SH3GL2: variants seen among roughly 807,000 people sequenced by gnomAD.
The protein encoded by SH3GL2 is SH3 domain containing GRB2 like 2, endophilin A1, also known as endophilin-A1.
SH3GL2 carries 24 observed loss-of-function variants against 46.0 expected under a neutral mutation model. The ratio of observed to expected loss-of-function variants is 0.52; its 90% CI spans 0.38 to 0.73. The LOEUF (loss-of-function observed/expected upper bound fraction) is 0.73. SH3GL2 is among the 30% of genes least tolerant of loss of function. SH3GL2 has a pLI of 0.00. For missense variants in SH3GL2, 413 were observed against 424.2 expected (o/e 0.97, Z 0.23); for synonymous variants, 196 against 147.1 (o/e 1.33, Z -2.40).
chr9:17,654,169 T>G, intron 1 of SH3GL2, among the ~76,000 whole-genome samples: 1 of 152,118 alleles, frequency 6.6e-6, no homozygotes, highest in East Asian at 1.9e-4. Context: ...AAAACCAGAT[T>G]GGAAAAACTG....
intron 1 of SH3GL2, among the ~76,000 whole-genome samples, chr9:17,690,007 C>T (rs996538650): frequency 6.6e-6 from 1 of 152,058 alleles, no homozygotes; most frequent in African/African-American, 2.4e-5. Flanking sequence ...AAAGAATTCT[C>T]AAATTGTGCC....
At position 17,682,301 on chromosome 9, in the gene SH3GL2, A is replaced by G. The variant is rs575278458; in HGVS notation, c.46-64765A>G. 3.3e-5 allele frequency among the ~76,000 whole-genome samples: 5 copies of G among 152,280 alleles called. No individual in the cohort carries two copies. The South Asian group carries it at 1.0e-3, about 32-fold the overall frequency. ...ATTATTTTCAATAGCAAAGTCATGG[A>G]ACCAACCCAAATGCCCATCAGTGGT... is the stretch of plus-strand genomic sequence containing the variant. On this transcript the variant is annotated intron_variant, in intron 1 of 8. Transcript: ENST00000380607.
At chr9:17,635,833 C>T (rs1337431581) in intron 1 of SH3GL2, among the ~76,000 whole-genome samples, 1 of 152,148 alleles carries the variant, frequency 6.6e-6, no homozygotes, top group Non-Finnish European at 1.5e-5. Flanking sequence ...TTGCTTCCAA[C>T]TCAAGTTGAG....
chr9:17,614,156 G>A (rs988238983), intron 1 of SH3GL2, among the ~76,000 whole-genome samples: 1 of 151,932 alleles, frequency 6.6e-6, no homozygotes, highest in Non-Finnish European at 1.5e-5. Context: ...TCTTTAACCT[G>A]ATTACTGTTT....
chr9:17,665,628 C>CT, intron 1 of SH3GL2, among the ~76,000 whole-genome samples: 1 of 151,898 alleles, frequency 6.6e-6, no homozygotes, highest in East Asian at 1.9e-4. Flanking sequence ...GTAAGAGCCC[C>CT]GTCAGCTTAA....
intron 1 of SH3GL2, among the ~76,000 whole-genome samples, chr9:17,583,576 C>T (rs1406514855): frequency 6.6e-6 from 1 of 152,152 alleles, no homozygotes; most frequent in African/African-American, 2.4e-5. Context: ...TTATAAATTA[C>T]CCCGTCTAAG....
rs1820794917 is a variant in SH3GL2, at chr9:17,682,381, G to A, written c.46-64685G>A. ...ACACCATGGAATACTATGCAGCTAT[G>A]TGAAGGAATGAGATCAGATCCTTTG... On this transcript the variant is annotated intron_variant, in intron 1 of 8. Transcript: ENST00000380607. 2.0e-5 allele frequency among the ~76,000 whole-genome samples: 3 copies of A among 152,276 alleles called. No homozygotes were observed. In the East Asian group the frequency reaches 5.8e-4, roughly 29 times the overall value.
At chr9:17,717,598 T>C (rs1201149896) in intron 1 of SH3GL2, among the ~76,000 whole-genome samples, 1 of 152,122 alleles carries the variant, frequency 6.6e-6, no homozygotes. Flanking sequence ...ATGCTCAGGA[T>C]GCAGAAGAGA....
intron 1 of SH3GL2, among the ~76,000 whole-genome samples, chr9:17,614,544 G>A (rs937943340): frequency 6.6e-6 from 1 of 152,054 alleles, no homozygotes; most frequent in Admixed American, 6.5e-5. Flanking sequence ...GGCAAACTCA[G>A]GGGGAAAAGG....
intron 1 of SH3GL2, among the ~76,000 whole-genome samples, chr9:17,618,050 G>T (rs3780247): frequency 0.4 from 60,031 of 151,912 alleles, 12,213 homozygotes; most frequent in East Asian, 0.63. Context: ...AGTTGCAGTT[G>T]GGAGTTCTGT....
chr9:17,667,268 T>C (rs1391782386), intron 1 of SH3GL2, among the ~76,000 whole-genome samples: 1 of 152,186 alleles, frequency 6.6e-6, no homozygotes, highest in African/African-American at 2.4e-5. Context: ...CAGTGATATT[T>C]AGCATATTCA....
intron 3 of SH3GL2, among the ~76,000 whole-genome samples, chr9:17,775,308 C>A (rs553931709): frequency 6.6e-6 from 1 of 152,116 alleles, no homozygotes; most frequent in Admixed American, 6.6e-5. Context: ...GTATTTTTAG[C>A]TGTTGGTTGC....
At chr9:17,676,130 T>C (rs1234429468) in intron 1 of SH3GL2, among the ~76,000 whole-genome samples, 1 of 152,118 alleles carries the variant, frequency 6.6e-6, no homozygotes, top group Non-Finnish European at 1.5e-5. Context: ...GGGCTATGGG[T>C]AGACCTAAGT....
chr9:17,598,321 C>G (rs949358168), intron 1 of SH3GL2, among the ~76,000 whole-genome samples: 1 of 152,214 alleles, frequency 6.6e-6, no homozygotes, highest in African/African-American at 2.4e-5. Context: ...TCATGTCTTA[C>G]TGAAGCTAGG....
chr9:17,750,620 T>G (rs1204032956), intron 2 of SH3GL2, among the ~76,000 whole-genome samples: 1 of 152,186 alleles, frequency 6.6e-6, no homozygotes, highest in Non-Finnish European at 1.5e-5. Flanking sequence ...GCTTACAAGC[T>G]TTGTTAAACA....
chr9:17,788,615 A>G (rs1824029613), intron 5 of SH3GL2, among the ~76,000 whole-genome samples: 1 of 152,114 alleles, frequency 6.6e-6, no homozygotes, highest in African/African-American at 2.4e-5. Context: ...GTCACTAGAG[A>G]TGATGGGTGG....
In SH3GL2 at chr9:17,789,761, C is replaced by G. The variant is rs1171988000; in HGVS notation, c.624+211C>G. 3.0e-6 allele frequency: 3 copies of G among 983,814 alleles called. No individual in the cohort carries two copies. In the African/African-American group the frequency reaches 5.2e-5, roughly 17 times the overall value. 60.9% of individuals were successfully genotyped at this position (983,814 alleles called of 1,614,324 possible). The stretch of plus-strand genomic sequence containing the variant: ...TGCATTCCTGTAGTTTAACTAGATT[C>G]TCGACTGCTAATGAATCTTAAAGTA... On this transcript the variant is annotated intron_variant, in intron 6 of 8. Transcript: ENST00000380607.
At chr9:17,769,884 C>G (rs1370424461) in intron 3 of SH3GL2, among the ~76,000 whole-genome samples, 1 of 152,136 alleles carries the variant, frequency 6.6e-6, no homozygotes. Context: ...TGCTGTTCAT[C>G]TCTTCCAGTA....
intron 1 of SH3GL2, among the ~76,000 whole-genome samples, chr9:17,616,524 G>A (rs1819003262): frequency 6.6e-6 from 1 of 152,148 alleles, no homozygotes; most frequent in Non-Finnish European, 1.5e-5. Context: ...ATGTTGAAGT[G>A]GTAGAGAAAG....
Sources: allele counts gnomAD v4.1 joint callset (sites outside exome capture counted in the v4.1 genomes callset), GRCh38; gene constraint gnomAD v4.1.1; transcripts MANE v1.5; gene names NCBI Gene and HGNC (gene_info 2026-07-23, HGNC 2026-07-21).